The following SLC34A3 variants were observed in gnomAD, a reference collection of about 807,000 sequenced individuals.
SLC34A3 encodes sodium-dependent phosphate transport protein 2C.
SLC34A3 carries 60 observed loss-of-function variants against 43.9 expected under a neutral mutation model. The ratio of observed to expected loss-of-function variants is 1.37; its 90% CI spans 1.11 to 1.70. The LOEUF is 1.70. Ranked by LOEUF, SLC34A3 falls within the 40% of genes most tolerant of loss-of-function variation. The pLI is 0.00. For missense variants in SLC34A3, 969 were observed against 823.8 expected (o/e 1.18, Z -2.16); for synonymous variants, 451 against 386.2 (o/e 1.17, Z -1.97).
In SLC34A3 at chr9:137,233,617, C is replaced by T. The variant is rs372713559; in HGVS notation, c.757-16C>T. ...GAGAGGGTGCAGCACACCGTCACGA[C>T]CCCTCTGGCCCCCAGTTGGACTCCG... is the stretch of plus-strand genomic sequence containing the variant. On this transcript the variant is annotated splice_polypyrimidine_tract_variant and intron_variant, in intron 7 of 12. Transcript: ENST00000673835. 2.8e-5 allele frequency: 45 copies of T among 1,610,086 alleles called. No individual in the cohort carries two copies. The Middle Eastern group carries it at 6.6e-4, about 24-fold the overall frequency.
chr9:137,233,634 T>G lies in SLC34A3; in HGVS notation c.758T>G (p.Leu253Trp), dbSNP rs1836379303. The part of the protein sequence containing the change: ...TKPLTHLIVQ[L>W]DSDMIMSSAT... ...CGTCACGACCCCTCTGGCCCCCAGTTGGACTCCGACATGATCATGAGCAGT... is the reference window on the plus strand; with the variant it reads ...CGTCACGACCCCTCTGGCCCCCAGTGGGACTCCGACATGATCATGAGCAGT... The change falls in exon 8 of 13, where the codon TTG (leucine) becomes TGG (tryptophan). Residue 253 changes from leucine to tryptophan, a missense_variant and splice_region_variant. Leu to Trp is a moderately conservative substitution (Grantham distance 61). Transcript: ENST00000673835. The G allele has an allele frequency of 1.2e-6, 2 of 1,612,522 alleles. No homozygotes were observed. The highest frequency in any genetic ancestry group is 2.7e-5 in the African/African-American group (2 of 74,876).
chr9:137,232,639 C>T lies in SLC34A3; in HGVS notation c.240C>T (p.Leu80=), dbSNP rs749796750. ...AGSVLKACGL[L]GSLYFFICSL... ...GCGTCCTCAAGGCCTGCGGGCTCCTCGGCAGCCTGTACTTCTTCATCTGCT... is the reference window on the plus strand; with the variant it reads ...GCGTCCTCAAGGCCTGCGGGCTCCTTGGCAGCCTGTACTTCTTCATCTGCT... The change falls in exon 4 of 13, where the codon CTC becomes CTT. Residue 80 remains leucine (L), a synonymous_variant. Transcript: ENST00000673835. 28 of 1,612,598 alleles carry T rather than the reference C, an allele frequency of 1.7e-5. No homozygotes were observed. In the Admixed American group the frequency reaches 2.0e-4, roughly 12 times the overall value.
intron 6 of SLC34A3, 35 bp downstream of exon 6, chr9:137,233,150 C>T: frequency 6.6e-7 from 1 of 1,514,200 alleles, no homozygotes; most frequent in Non-Finnish European, 8.9e-7. Context: ...GCTGGGGCTG[C>T]AGTGGCAGCC....
At chr9:137,233,814 CCT>C (rs1445977263) in intron 8 of SLC34A3, 47 bp from the exon 9 acceptor site, 1 of 1,428,968 alleles carries the variant, frequency 7.0e-7, no homozygotes, top group Admixed American at 1.8e-5. Flanking sequence ...AGCCCTCTGA[CCT>C]CTGTCTGCCC....
Position 137,236,262 on chromosome 9 carries a change from G to T in SLC34A3, c.1646G>T (p.Trp549Leu). The T allele has an allele frequency of 6.5e-7, 1 of 1,545,520 alleles. No individual in the cohort carries two copies. The highest frequency in any genetic ancestry group is 8.7e-7 in the Non-Finnish European group (1 of 1,148,024). ...PAWLPVRLRSWAWLPVWLHSL... is the reference protein window; with the variant it reads ...PAWLPVRLRSLAWLPVWLHSL... ...TGGCTGCCTGTCCGCCTGCGCTCCT[G>T]GGCCTGGCTCCCCGTCTGGCTCCAT... is the stretch of plus-strand genomic sequence containing the variant. The change falls in exon 13 of 13, where the codon TGG becomes TTG. Residue 549 changes from tryptophan to leucine, a missense_variant. Trp to Leu is a moderately conservative substitution (Grantham distance 61). Coordinates refer to ENST00000673835, the MANE Select transcript of SLC34A3 (RefSeq NM_001177316.2).
Position 137,236,326 on chromosome 9 carries a change from C to T in SLC34A3, c.1710C>T (p.Cys570=), listed in dbSNP as rs1426067514. Residue 570 remains cysteine, a synonymous_variant, in exon 13 of 13, where the codon TGC becomes TGT. Coordinates refer to ENST00000673835, the MANE Select transcript of SLC34A3 (RefSeq NM_001177316.2). ...EPWDRLVTRC[C]PCNVCSPPKA... The stretch of plus-strand genomic sequence containing the variant: ...GGGACCGCCTGGTGACCCGCTGCTG[C>T]CCCTGCAACGTCTGCAGCCCCCCGA... 1.3e-6 allele frequency: 2 copies of T among 1,542,518 alleles called. No individual in the cohort carries two copies. The highest frequency in any genetic ancestry group is 1.7e-6 in the Non-Finnish European group (2 of 1,146,786).
In SLC34A3 at chr9:137,232,530, T is replaced by A. The variant is rs552452870; in HGVS notation, c.176-45T>A. 15 of 1,608,312 alleles carry A rather than the reference T, an allele frequency of 9.3e-6. No individual in the cohort carries two copies. The Admixed American group carries it at 1.3e-4, about 14-fold the overall frequency. On this transcript the variant is annotated intron_variant, in intron 3 of 12. Coordinates refer to ENST00000673835, the MANE Select transcript of SLC34A3 (RefSeq NM_001177316.2). Reference sequence around the variant, plus strand: ...ATGAGGGGCCTGGGAGGGAGACCTGTCAGGGTGGAGGGCCAGCCAGGGACA... The same window carrying A: ...ATGAGGGGCCTGGGAGGGAGACCTGACAGGGTGGAGGGCCAGCCAGGGACA...
chr9:137,232,293 G>A (rs568261897), intron 3 of SLC34A3, 132 bp downstream of exon 3: 3 of 909,404 alleles, frequency 3.3e-6, no homozygotes, highest in African/African-American at 3.3e-5. Context: ...CCCCCTCTGG[G>A]GAGACACGTG....
chr9:137,233,250 T>C lies in SLC34A3; in HGVS notation c.602T>C (p.Leu201Pro). The part of the protein sequence containing the change: ...GSAVHGIFNW[L>P]TVLVLLPLES... Reference sequence around the variant, plus strand: ...GCGGTGCACGGGATCTTCAACTGGCTCACAGTGCTGGTCCTGCTGCCACTG... The same window carrying C: ...GCGGTGCACGGGATCTTCAACTGGCCCACAGTGCTGGTCCTGCTGCCACTG... The change falls in exon 7 of 13, where the codon CTC (leucine) becomes CCC (proline). Residue 201 changes from leucine to proline, a missense_variant. Coordinates refer to ENST00000673835, the MANE Select transcript of SLC34A3 (RefSeq NM_001177316.2). The C allele has an allele frequency of 6.3e-7, 1 of 1,579,020 alleles. No homozygotes were observed. The highest frequency in any genetic ancestry group is 8.6e-7 in the Non-Finnish European group (1 of 1,162,570).
Position 137,233,733 on chromosome 9 carries a change from C to A in SLC34A3, c.846+11C>A, listed in dbSNP as rs1212765791. 6.2e-7 allele frequency: 1 copy of A among 1,611,510 alleles called. No homozygotes were observed. ...ACCACGGGGCAGCCGGTGAGGCACC[C>A]AACCCTAGGCCCTCACTGACCCCCA... On this transcript the variant is annotated intron_variant, in intron 8 of 12. Coordinates refer to ENST00000673835, the MANE Select transcript of SLC34A3 (RefSeq NM_001177316.2).
upstream of SLC34A3, among the ~76,000 whole-genome samples, chr9:137,229,789 C>A (rs1047010351): frequency 6.6e-6 from 1 of 152,158 alleles, no homozygotes; most frequent in Non-Finnish European, 1.5e-5. Context: ...TCATCCTTCG[C>A]TGAACCTTTC....
At chr9:137,233,819 G>A in intron 8 of SLC34A3, 44 bp from the exon 9 acceptor site, 1 of 1,139,368 alleles carries the variant, frequency 8.8e-7, no homozygotes. Context: ...TCTGACCTCT[G>A]TCTGCCCACT....
chr9:137,232,511 G>C, intron 3 of SLC34A3, 64 bp from the exon 4 acceptor site: 2 of 1,600,092 alleles, frequency 1.2e-6, no homozygotes, highest in Non-Finnish European at 1.7e-6. Flanking sequence ...GAGAATGAGG[G>C]GCCTGGGAGG....
chr9:137,232,698 T>TG lies in SLC34A3; in HGVS notation c.302dup (p.Ser102GlnfsTer48), dbSNP rs1836297016. The TG allele has an allele frequency of 6.2e-7, 1 of 1,612,794 alleles. No individual in the cohort carries two copies. Among genetic ancestry groups the TG allele is most frequent in the African/African-American group, 1.3e-5 (1 of 74,934 alleles). ...GTCCTCAGCTCCGCCTTCCAGCTGC[T>TG]GGGCAGTGAGTGACGGGACGGGTGC... On this transcript the variant is annotated frameshift_variant, in exon 4 of 13. Transcript: ENST00000673835. LOFTEE classifies it high-confidence loss of function.
chr9:137,235,159 C>T (rs1361706281), intron 12 of SLC34A3, among the ~76,000 whole-genome samples: 4 of 152,116 alleles, frequency 2.6e-5, no homozygotes, highest in Non-Finnish European at 5.9e-5. Flanking sequence ...CGAGTCCCAC[C>T]GATGCTGGGC....
At position 137,233,936 on chromosome 9, in the gene SLC34A3, T is replaced by C; in HGVS notation, c.920T>C (p.Leu307Pro). The C allele has an allele frequency of 6.4e-7, 1 of 1,569,948 alleles. No individual in the cohort carries two copies. Among genetic ancestry groups the C allele is most frequent in the Non-Finnish European group, 8.6e-7 (1 of 1,158,470 alleles). ...EKNSTAPADR[L>P]PCRHLFAGTE... ...AACAGCACAGCCCCGGCGGACAGGC[T>C]GCCCTGTGAGGCCCGGCCCACCCCA... The change falls in exon 9 of 13, where the codon CTG becomes CCG. Residue 307 changes from leucine (L) to proline (P), a missense_variant. Coordinates refer to ENST00000673835, the MANE Select transcript of SLC34A3 (RefSeq NM_001177316.2).
chr9:137,236,518 T>C lies in SLC34A3; in HGVS notation c.*102T>C. ...CGGCAGCTGACCTCCGGTCACCTGC[T>C]TCCCCTTCTGTGCAAATAAACCAGG... On this transcript the variant is annotated 3_prime_UTR_variant, in exon 13 of 13. Transcript: ENST00000673835. The C allele has an allele frequency of 2.1e-6, 2 of 970,714 alleles. No individual in the cohort carries two copies. 60.1% of individuals were successfully genotyped at this position (970,714 alleles called of 1,614,324 possible).
At chr9:137,233,779 T>TGCCCCCCCCCCCCCCCCCC in intron 8 of SLC34A3, 57 bp downstream of exon 8, 4 of 1,445,824 alleles carry the variant, frequency 2.8e-6, no homozygotes, top group Non-Finnish European at 3.8e-6. Flanking sequence ...TGCTGAGTCA[T>TGCCCCCCCCCCCCCCCCCC]CCCGCCCCAC....
chr9:137,233,779 T>TTGCCCCCCCCCCCCCCCCCCCCCCC, intron 8 of SLC34A3, 57 bp downstream of exon 8: 6 of 1,445,764 alleles, frequency 4.2e-6, no homozygotes, highest in East Asian at 2.3e-5. Flanking sequence ...TGCTGAGTCA[T>TTGCCCCCCCCCCCCCCCCCCCCCCC]CCCGCCCCAC....
Sources: allele counts gnomAD v4.1 joint callset (sites outside exome capture counted in the v4.1 genomes callset), GRCh38; gene constraint gnomAD v4.1.1; transcripts MANE v1.5; gene names NCBI Gene and HGNC (gene_info 2026-07-23, HGNC 2026-07-21).